The following TMEM154 variants were observed in gnomAD, a reference collection of about 807,000 sequenced individuals.
The protein encoded by TMEM154 is transmembrane protein 154.
Under a neutral mutation model 24.5 loss-of-function variants are expected in TMEM154, and 27 were observed. That is an observed-to-expected ratio of 1.10 (90% CI 0.81 to 1.52). The LOEUF (loss-of-function observed/expected upper bound fraction) is 1.52, where lower values mean the gene tolerates loss of function less well. Ranked by LOEUF, TMEM154 falls within the 40% of genes most tolerant of loss-of-function variation. The probability of loss-of-function intolerance (pLI) is 0.00; values close to 1 mark genes in which losing one functional copy is unlikely to be tolerated. For missense variants in TMEM154, 228 were observed against 213.4 expected (o/e 1.07, Z -0.43); for synonymous variants, 67 against 76.8 (o/e 0.87, Z 0.67).
chr4:152,637,618 A>G (rs77488046), intron 6 of TMEM154, among the ~76,000 whole-genome samples: 2 of 152,338 alleles, frequency 1.3e-5, no homozygotes, highest in East Asian at 1.9e-4. Context: ...CTGTGAAACT[A>G]GAAGGACAGA....
intron 1 of TMEM154, among the ~76,000 whole-genome samples, chr4:152,675,899 G>A (rs970917265): frequency 1.3e-5 from 2 of 152,172 alleles, no homozygotes; most frequent in Non-Finnish European, 2.9e-5. Flanking sequence ...GGTTTCCTGG[G>A]ATTCCAAATT....
intron 1 of TMEM154, chr4:152,669,259 A>T (rs1017657855): frequency 1.3e-5 from 2 of 152,148 alleles, no homozygotes; most frequent in East Asian, 1.9e-4. Context: ...CCTAAATATT[A>T]TTCTAATACG....
chr4:152,641,209 C>T (rs1752250908), intron 5 of TMEM154: 2 of 500,926 alleles, frequency 4.0e-6, no homozygotes, highest in Admixed American at 4.2e-5. Flanking sequence ...GCCTCTGACA[C>T]TGGAAAGGAC....
intron 1 of TMEM154, among the ~76,000 whole-genome samples, chr4:152,654,387 A>C (rs1728449072): frequency 6.6e-6 from 1 of 152,244 alleles, no homozygotes; most frequent in Non-Finnish European, 1.5e-5. Context: ...GAATGATCAA[A>C]CTGGACATTG....
chr4:152,675,369 T>G (rs1423323991), intron 1 of TMEM154, among the ~76,000 whole-genome samples: 1 of 152,178 alleles, frequency 6.6e-6, no homozygotes, highest in Non-Finnish European at 1.5e-5. Context: ...GGCTCATGCC[T>G]GTAATCTTAG....
At chr4:152,668,503 T>G (rs911039771) in intron 1 of TMEM154, 3 of 151,778 alleles carry the variant, frequency 2.0e-5, no homozygotes, top group African/African-American at 7.3e-5. Context: ...TGAGGCAGGG[T>G]GGGAAGACAC....
chr4:152,643,232 T>C (rs1180336520), intron 4 of TMEM154, 59 bp from the exon 5 acceptor site: 5 of 1,268,924 alleles, frequency 3.9e-6, no homozygotes, highest in East Asian at 4.6e-5. Flanking sequence ...CTAATTTCAT[T>C]TGGAAAGAGA....
In TMEM154 at chr4:152,668,182, T is replaced by A. The variant is rs539195548; in HGVS notation, c.64+11688A>T. Among the ~76,000 whole-genome samples the A allele has an allele frequency of 5.3e-5, 8 of 152,272 alleles. No individual in the cohort carries two copies. The South Asian group carries it at 1.7e-3, about 32-fold the overall frequency. On this transcript the variant is annotated intron_variant, in intron 1 of 6. Coordinates refer to ENST00000304385, the MANE Select transcript of TMEM154 (RefSeq NM_152680.3). ...GAATCCTACAGTAACCTGTAGCACC[T>A]GGCAGTTTTAAAGAATGCGTATTTT...
chr4:152,662,129 T>G (rs1486617656), intron 1 of TMEM154, among the ~76,000 whole-genome samples: 1 of 152,178 alleles, frequency 6.6e-6, no homozygotes, highest in Admixed American at 6.6e-5. Flanking sequence ...AATAAACCTC[T>G]CTGCTCATCC....
At chr4:152,639,757 C>T (rs533914327) in intron 6 of TMEM154, 1 of 152,848 alleles carries the variant, frequency 6.5e-6, no homozygotes, top group African/African-American at 2.4e-5. Flanking sequence ...GGACTACAGG[C>T]AAGCGCCACC....
intron 6 of TMEM154, among the ~76,000 whole-genome samples, chr4:152,631,664 C>T (rs1261518614): frequency 6.6e-6 from 1 of 152,020 alleles, no homozygotes; most frequent in Non-Finnish European, 1.5e-5. Context: ...CTCCTGGGCT[C>T]AAGCAATCCA....
chr4:152,659,707 G>T (rs1315635249), intron 1 of TMEM154, among the ~76,000 whole-genome samples: 1 of 152,126 alleles, frequency 6.6e-6, no homozygotes, highest in East Asian at 1.9e-4. Context: ...AAGTGGCTTT[G>T]TCCTACATTT....
At chr4:152,651,184 A>ATT (rs36036886) in intron 3 of TMEM154, among the ~76,000 whole-genome samples, 191 of 145,160 alleles carry the variant, frequency 1.3e-3, no homozygotes, top group Non-Finnish European at 1.6e-3. Flanking sequence ...CCTAGATGGC[A>ATT]TTTTTTTTTT....
At position 152,628,598 on chromosome 4, in the gene TMEM154, A is replaced by C. The variant is rs554208287; in HGVS notation, c.537-37T>G. ...AAAAAAAAAAAAAAAAAAAACAAAAAAAACACACACACACACACAAAACAG... is the reference window on the plus strand; with the variant it reads ...AAAAAAAAAAAAAAAAAAAACAAAACAAACACACACACACACACAAAACAG... On this transcript the variant is annotated intron_variant, in intron 6 of 6. Transcript: ENST00000304385. 439 of 1,168,338 alleles carry C rather than the reference A, an allele frequency of 3.8e-4. 9 individuals are homozygous for C. The African/African-American group carries it at 3.9e-3, about 10-fold the overall frequency. The allele number at this position is 1,168,338 out of a possible 1,614,324, so 72.4% of individuals were successfully genotyped here.
chr4:152,644,471 T>C (rs1403947896), intron 3 of TMEM154, 29 bp from the exon 4 acceptor site: 4 of 1,613,392 alleles, frequency 2.5e-6, no homozygotes, highest in Non-Finnish European at 3.4e-6. Context: ...AAAGGTCATG[T>C]TAGCTTTGTT....
chr4:152,649,946 T>G (rs1471267961), intron 3 of TMEM154, among the ~76,000 whole-genome samples: 2 of 152,358 alleles, frequency 1.3e-5, no homozygotes, highest in East Asian at 1.9e-4. Context: ...TGTGCAACAT[T>G]GTGTCTACAG....
In TMEM154 at chr4:152,633,883, C is replaced by A. The variant is rs909579567; in HGVS notation, c.537-5322G>T. On this transcript the variant is annotated intron_variant, in intron 6 of 6. Coordinates refer to ENST00000304385, the MANE Select transcript of TMEM154 (RefSeq NM_152680.3). ...CAGCTATTAAAAGTAATGGCAAAAA[C>A]TGCAATTACTTTTGCACCAACCTTA... is the stretch of plus-strand genomic sequence containing the variant. Among the ~76,000 whole-genome samples the A allele has an allele frequency of 1.3e-4, 19 of 151,820 alleles. 1 individual carries two copies. Among genetic ancestry groups the A allele is most frequent in the Non-Finnish European group, 2.6e-4 (18 of 67,952 alleles).
At chr4:152,664,509 C>G (rs755243715) in intron 1 of TMEM154, among the ~76,000 whole-genome samples, 1 of 152,128 alleles carries the variant, frequency 6.6e-6, no homozygotes, top group Non-Finnish European at 1.5e-5. Flanking sequence ...AACCTGCACA[C>G]TGGAATTTAA....
At position 152,626,351 on chromosome 4, in the gene TMEM154, G is replaced by C. The variant is rs58015236; in HGVS notation, c.*2195C>G. The C allele has an allele frequency of 6.6e-6, 1 of 152,158 alleles. No individual in the cohort carries two copies. Among genetic ancestry groups the C allele is most frequent in the African/African-American group, 2.4e-5 (1 of 41,304 alleles). 9.4% of individuals were successfully genotyped at this position (152,158 alleles called of 1,614,324 possible). On this transcript the variant is annotated 3_prime_UTR_variant, in exon 7 of 7. Transcript: ENST00000304385. ...AGTCTGAAACATAAAATTAAGTTTG[G>C]GTTTAAAAACAATTCTTGAAACTGT...
Sources: allele counts gnomAD v4.1 joint callset (sites outside exome capture counted in the v4.1 genomes callset), GRCh38; gene constraint gnomAD v4.1.1; transcripts MANE v1.5; gene names NCBI Gene and HGNC (gene_info 2026-07-23, HGNC 2026-07-21).